The following FAM149A variants were observed in gnomAD, a reference collection of about 807,000 sequenced individuals.
The protein encoded by FAM149A is family with sequence similarity 149 member A.
FAM149A carries 71 observed loss-of-function variants against 78.2 expected under a neutral mutation model. The observed-to-expected ratio is 0.91, with a 90% CI of 0.75 to 1.11. The LOEUF is 1.11. Ranked by LOEUF, FAM149A falls within the 50% of genes least tolerant of loss-of-function variation. FAM149A has a pLI of 0.00. For synonymous variants in FAM149A, 446 were observed against 410.5 expected, an observed-to-expected ratio of 1.09 and a Z score of -1.04; for missense variants, 1,036 against 971.0, an observed-to-expected ratio of 1.07 and a Z score of -0.89.
chr4:186,156,213 T>A, intron 7 of FAM149A, 23 bp downstream of exon 7: 2 of 1,592,648 alleles, frequency 1.3e-6, no homozygotes, highest in Non-Finnish European at 8.6e-7. Flanking sequence ...AGAATTTAGC[T>A]TAATGAAAAG....
At chr4:186,118,057 A>G in intron 1 of FAM149A, 1 of 985,360 alleles carries the variant, frequency 1.0e-6, no homozygotes. Flanking sequence ...ACATCTAGAG[A>G]AGGGCCAGGC....
At chr4:186,125,180 A>G in intron 1 of FAM149A, 1 of 830,150 alleles carries the variant, frequency 1.2e-6, no homozygotes, top group Non-Finnish European at 1.5e-6. Flanking sequence ...ACTATTGGAA[A>G]TCCTTGCTGT....
At chr4:186,142,137 G>T (rs2099326058) in intron 1 of FAM149A, among the ~76,000 whole-genome samples, 1 of 152,318 alleles carries the variant, frequency 6.6e-6, no homozygotes, top group Middle Eastern at 3.4e-3. Context: ...AAGGCAGGAA[G>T]CAGAAGTGAG....
At chr4:186,163,755 A>G in intron 10 of FAM149A, 122 bp downstream of exon 10, 1 of 728,024 alleles carries the variant, frequency 1.4e-6, no homozygotes, top group Non-Finnish European at 2.4e-6. Context: ...ATGCTTTTCT[A>G]ATGAGTTCAT....
rs1735620077 is a variant in FAM149A, at chr4:186,172,815, T to G, written c.*828T>G. 9.0e-6 allele frequency: 1 copy of G among 111,000 alleles called. No individual in the cohort carries two copies. The highest frequency in any genetic ancestry group is 2.3e-5 in the Non-Finnish European group (1 of 44,282). The allele number at this position is 111,000 out of a possible 1,614,324, so 6.9% of individuals were successfully genotyped here. ...AGAGCCCTCGTCTCCTCGCGCTCTG[T>G]CCTGCTCTGCCTGGCTTTTCTTCAG... On this transcript the variant is annotated 3_prime_UTR_variant, in exon 14 of 14. Coordinates refer to ENST00000389354, the MANE Select transcript of FAM149A (RefSeq NM_001367768.3).
rs190353171 is a variant in FAM149A, at chr4:186,159,823, G to A, written c.1575+2104G>A. Among the ~76,000 whole-genome samples, 15 of 144,396 alleles carry A rather than the reference G, an allele frequency of 1.0e-4. No homozygotes were observed. In the East Asian group the frequency reaches 3.1e-3, roughly 30 times the overall value. 94.7% of individuals were successfully genotyped at this position (144,396 alleles called of 152,430 possible). A position where few individuals can be genotyped will look rare whatever the true frequency, so the allele number is the denominator to read the frequency against. Reference sequence around the variant, plus strand: ...GTTGTTTCCACTGCCCACCTTGTGGGGGGAGCAGAGAACACGGGTAAGGCA... The same window carrying A: ...GTTGTTTCCACTGCCCACCTTGTGGAGGGAGCAGAGAACACGGGTAAGGCA... On this transcript the variant is annotated intron_variant, in intron 8 of 13. Transcript: ENST00000389354.
intron 1 of FAM149A, among the ~76,000 whole-genome samples, chr4:186,140,909 T>C (rs2126410995): frequency 6.6e-6 from 1 of 152,352 alleles, no homozygotes; most frequent in African/African-American, 2.4e-5. Flanking sequence ...AGGATTTAGC[T>C]CATTGATTAT....
Position 186,145,132 on chromosome 4 carries a change from A to G in FAM149A, c.567-4041A>G, listed in dbSNP as rs1483343330. On this transcript the variant is annotated intron_variant, in intron 1 of 13. Transcript: ENST00000389354. ...AATCGGGTGAGTCTCATCCGGCAGCAGGGCTCGCCTTCTGGCCGCTCTGCA... is the reference window on the plus strand; with the variant it reads ...AATCGGGTGAGTCTCATCCGGCAGCGGGGCTCGCCTTCTGGCCGCTCTGCA... 5 of 985,424 alleles carry G rather than the reference A, an allele frequency of 5.1e-6. No homozygotes were observed. The African/African-American group carries it at 7.0e-5, about 14-fold the overall frequency. 61.0% of individuals were successfully genotyped at this position (985,424 alleles called of 1,614,324 possible).
At chr4:186,127,751 T>C (rs1216055063) in intron 1 of FAM149A, 1 of 843,160 alleles carries the variant, frequency 1.2e-6, no homozygotes, top group Non-Finnish European at 1.4e-6. Context: ...AGTGGCACGA[T>C]CTCTGCTCCC....
chr4:186,144,678 G>A lies in FAM149A; in HGVS notation c.567-4495G>A, dbSNP rs1055457575. 3 of 447,694 alleles carry A rather than the reference G, an allele frequency of 6.7e-6. No homozygotes were observed. Among genetic ancestry groups the A allele is most frequent in the African/African-American group, 2.1e-5 (1 of 47,098 alleles). 27.7% of individuals were successfully genotyped at this position (447,694 alleles called of 1,614,324 possible). On this transcript the variant is annotated intron_variant, in intron 1 of 13. Coordinates refer to ENST00000389354, the MANE Select transcript of FAM149A (RefSeq NM_001367768.3). The surrounding 1 kb of genome is among the most constrained non-coding windows in gnomAD (Gnocchi z 4.2). ...GGAGTGGCCGCTGGGTTGGAAACCC[G>A]GCCCGGCAGGGAGCGGGGAAGGCGC...
In FAM149A at chr4:186,165,407, G is replaced by C. The variant is rs776130401; in HGVS notation, c.1953G>C (p.Pro651=). Reference sequence around the variant, plus strand: ...AAACGTCACGGAGCAGGTTCCCCCCGCTAGTCACGGAGACCAGGGGGCAGA... The same window carrying C: ...AAACGTCACGGAGCAGGTTCCCCCCCCTAGTCACGGAGACCAGGGGGCAGA... The change falls in exon 11 of 14, where the codon CCG becomes CCC. Residue 651 remains proline (P), a synonymous_variant. Transcript: ENST00000389354. 1.9e-6 allele frequency: 3 copies of C among 1,614,048 alleles called. No individual in the cohort carries two copies. Among genetic ancestry groups the C allele is most frequent in the Middle Eastern group, 3.3e-4 (2 of 6,062 alleles).
chr4:186,119,507 T>A (rs188601051), intron 1 of FAM149A, among the ~76,000 whole-genome samples: 141 of 152,366 alleles, frequency 9.3e-4, no homozygotes, highest in Non-Finnish European at 1.6e-3. Context: ...TTCTGTTGTT[T>A]AATAAAGAGG....
intron 13 of FAM149A, among the ~76,000 whole-genome samples, chr4:186,171,697 G>A (rs2126564070): frequency 6.6e-6 from 1 of 152,206 alleles, no homozygotes; most frequent in East Asian, 1.9e-4. Context: ...GAGGACGCGT[G>A]GCCTGCACCT....
chr4:186,156,778 T>C (rs1315932873), intron 7 of FAM149A, among the ~76,000 whole-genome samples: 1 of 152,072 alleles, frequency 6.6e-6, no homozygotes, highest in East Asian at 1.9e-4. Flanking sequence ...CAGCTCAGCT[T>C]GGGCAACATA....
chr4:186,167,345 C>G (rs913541329), intron 13 of FAM149A, 83 bp downstream of exon 13: 3 of 1,270,668 alleles, frequency 2.4e-6, no homozygotes, highest in Non-Finnish European at 3.5e-6. Context: ...GATGATCTAC[C>G]TTGATAAGCC....
In FAM149A at chr4:186,136,994, CTCTCTCTCTCTCTCTCTCTCTCTCTAA is replaced by C. The variant is rs1263419277; in HGVS notation, c.567-12178_567-12152del. Among the ~76,000 whole-genome samples, 23 of 136,556 alleles carry C rather than the reference CTCTCTCTCTCTCTCTCTCTCTCTCTAA, an allele frequency of 1.7e-4. No individual in the cohort carries two copies. In the East Asian group the frequency reaches 3.8e-3, roughly 23 times the overall value. 89.6% of individuals were successfully genotyped at this position (136,556 alleles called of 152,430 possible). Reference sequence around the variant, plus strand: ...TCTCTCTTTCTCTCTCTCTCTCTCTCTCTCTCTCTCTCTCTCTCTCTCTCTAAGTGCTTAAAGCAGGGCCTGGTGTGT... The same window carrying C: ...TCTCTCTTTCTCTCTCTCTCTCTCTCGTGCTTAAAGCAGGGCCTGGTGTGT... On this transcript the variant is annotated intron_variant, in intron 1 of 13. Transcript: ENST00000389354.
At chr4:186,154,694 A>G (rs1733892061) in intron 6 of FAM149A, 56 bp downstream of exon 6, 3 of 1,522,842 alleles carry the variant, frequency 2.0e-6, no homozygotes, top group East Asian at 2.4e-5. Context: ...TTTATTTGAC[A>G]TTTATTGTTA....
intron 1 of FAM149A, among the ~76,000 whole-genome samples, chr4:186,145,622 T>G (rs146576541): frequency 1.3e-5 from 2 of 152,262 alleles, no homozygotes; most frequent in East Asian, 3.9e-4. Flanking sequence ...GTCATGGAGA[T>G]TGGAACTCAC....
At chr4:186,155,912 A>G (rs1734002233) in intron 6 of FAM149A, 88 bp from the exon 7 acceptor site, 1 of 986,772 alleles carries the variant, frequency 1.0e-6, no homozygotes, top group Non-Finnish European at 1.5e-6. Context: ...ATATATGTAT[A>G]CATGTACATA....
Sources: gnomAD v4.1 joint callset for allele counts (sites outside exome capture counted in the v4.1 genomes callset) on GRCh38, gnomAD v4.1.1 for gene constraint, Gnocchi (gnomAD v3.1) non-coding constraint, MANE v1.5 for transcripts, NCBI Gene and HGNC (gene_info 2026-07-23, HGNC 2026-07-21) for gene names.